The following KCNQ1 variants were observed in gnomAD, a reference collection of about 807,000 sequenced individuals.
KCNQ1 encodes the protein potassium voltage-gated channel subfamily Q member 1.
In KCNQ1, 49 loss-of-function variants were observed where a neutral mutation model predicts 72.4. That is an observed-to-expected ratio of 0.68 (90% CI 0.54 to 0.86). The LOEUF (loss-of-function observed/expected upper bound fraction) is 0.86. KCNQ1 is among the 40% of genes least tolerant of loss of function. KCNQ1 has a pLI of 0.00. For synonymous variants in KCNQ1, 450 were observed against 412.6 expected (o/e 1.09, Z -1.10); for missense variants, 790 against 945.1 (o/e 0.84, Z 2.15).
In KCNQ1 at chr11:2,620,814, A is replaced by G; in HGVS notation, c.1393+31960A>G. ...TAATTTGTATTCCTGCCAACAGTGT[A>G]TAAGCGTTCCCTTTTCTCTGCAGCC... On this transcript the variant is annotated intron_variant, in intron 10 of 15. Coordinates refer to ENST00000155840, the MANE Select transcript of KCNQ1 (RefSeq NM_000218.3). This position sits in a 1 kb window ranked among gnomAD's most constrained non-coding sequence, Gnocchi z 4.5. 1 of 398,644 alleles carries G rather than the reference A, an allele frequency of 2.5e-6. No homozygotes were observed. The highest frequency in any genetic ancestry group is 4.4e-6 in the Non-Finnish European group (1 of 226,080). 24.7% of individuals were successfully genotyped at this position (398,644 alleles called of 1,614,324 possible).
At chr11:2,630,112 T>C in intron 10 of KCNQ1, 1 of 398,358 alleles carries the variant, frequency 2.5e-6, no homozygotes, top group Non-Finnish European at 4.4e-6. Context: ...AATTTGTTCA[T>C]AGTTTTTATC....
chr11:2,701,641 C>G (rs946370683), intron 11 of KCNQ1, among the ~76,000 whole-genome samples: 1 of 152,212 alleles, frequency 6.6e-6, no homozygotes, highest in African/African-American at 2.4e-5. Flanking sequence ...GAAAATGGAG[C>G]TTGGAACTTC....
chr11:2,847,798 T>A lies in KCNQ1; in HGVS notation c.1826T>A (p.Ile609Asn). 3 of 1,571,912 alleles carry A rather than the reference T, an allele frequency of 1.9e-6. No homozygotes were observed. The African/African-American group carries it at 4.0e-5, about 21-fold the overall frequency. ...CAGCTGGACCAGAGGCTGGCACTCA[T>A]CACCGACATGCTTCACCAGCTGCTC... is the stretch of plus-strand genomic sequence containing the variant. ...VTQLDQRLAL[I>N]TDMLHQLLSL... The change falls in exon 16 of 16, where the codon ATC becomes AAC. Residue 609 changes from isoleucine to asparagine, a missense_variant. Physicochemically the swap from Ile to Asn is moderately radical, Grantham distance 149. Coordinates refer to ENST00000155840, the MANE Select transcript of KCNQ1 (RefSeq NM_000218.3).
chr11:2,617,834 T>C lies in KCNQ1; in HGVS notation c.1393+28980T>C, dbSNP rs1235172200. The C allele has an allele frequency of 2.5e-6, 1 of 398,464 alleles. No individual in the cohort carries two copies. Among genetic ancestry groups the C allele is most frequent in the African/African-American group, 2.1e-5 (1 of 48,648 alleles). The allele number at this position is 398,464 out of a possible 1,614,324, so 24.7% of individuals were successfully genotyped here. ...TGTGTTTGCCATTTTTATAACTTCT[T>C]TGCAAAAATGTCTACTCAGTTCCAC... On this transcript the variant is annotated intron_variant, in intron 10 of 15. Coordinates refer to ENST00000155840, the MANE Select transcript of KCNQ1 (RefSeq NM_000218.3). The surrounding 1 kb of genome is among the most constrained non-coding windows in gnomAD (Gnocchi z 4.6).
At chr11:2,667,964 TC>T (rs1356393786) in intron 11 of KCNQ1, 3 of 398,552 alleles carry the variant, frequency 7.5e-6, no homozygotes, top group African/African-American at 6.2e-5. Flanking sequence ...CCAGAAAGCC[TC>T]TCAGGCTCCC....
At chr11:2,705,986 A>G (rs1479558702) in intron 11 of KCNQ1, among the ~76,000 whole-genome samples, 1 of 152,208 alleles carries the variant, frequency 6.6e-6, no homozygotes, top group Non-Finnish European at 1.5e-5. Flanking sequence ...GAGAACCTGA[A>G]GAGAATATTC....
rs1267207266 is a variant in KCNQ1, at chr11:2,711,069, A to G, written c.1514+48988A>G. Among the ~76,000 whole-genome samples, 1 of 152,222 alleles carries G rather than the reference A, an allele frequency of 6.6e-6. No homozygotes were observed. Among genetic ancestry groups the G allele is most frequent in the African/African-American group, 2.4e-5 (1 of 41,454 alleles). On this transcript the variant is annotated intron_variant, in intron 11 of 15. Transcript: ENST00000155840. The surrounding 1 kb of genome is among the most constrained non-coding windows in gnomAD (Gnocchi z 5.4). ...GAATCTGTAGGTCAACTTGGGGAGTATTGCCATCTTAACAATGTGTTAAGT... is the reference window on the plus strand; with the variant it reads ...GAATCTGTAGGTCAACTTGGGGAGTGTTGCCATCTTAACAATGTGTTAAGT...
rs1406144279 is a variant in KCNQ1, at chr11:2,479,691, A to G, written c.386+34207A>G. Among the ~76,000 whole-genome samples, 1 of 152,138 alleles carries G rather than the reference A, an allele frequency of 6.6e-6. No homozygotes were observed. Among genetic ancestry groups the G allele is most frequent in the Non-Finnish European group, 1.5e-5 (1 of 68,020 alleles). ...AAGGTCTCTGACATGCCCTGGAGAC[A>G]TTTTCCCCATTGTCTTAGTGATTAA... On this transcript the variant is annotated intron_variant, in intron 1 of 15. Transcript: ENST00000155840. The surrounding 1 kb of genome is among the most constrained non-coding windows in gnomAD (Gnocchi z 4.6).
intron 11 of KCNQ1, chr11:2,693,115 G>T (rs572486586): frequency 1.3e-5 from 5 of 398,540 alleles, no homozygotes; most frequent in African/African-American, 6.2e-5. Flanking sequence ...TTTGCCCCAA[G>T]ACTACTTTCT....
intron 15 of KCNQ1, among the ~76,000 whole-genome samples, chr11:2,837,497 G>A (rs1356479088): frequency 1.3e-5 from 2 of 152,262 alleles, no homozygotes; most frequent in Non-Finnish European, 2.9e-5. Flanking sequence ...GGTGACCAAG[G>A]CCCAGGGTCT....
rs1589952524 is a variant in KCNQ1, at chr11:2,562,889, A to G, written c.478-7739A>G. 2.0e-5 allele frequency among the ~76,000 whole-genome samples: 3 copies of G among 152,324 alleles called. No individual in the cohort carries two copies. The highest frequency in any genetic ancestry group is 3.9e-4 in the East Asian group (2 of 5,188). On this transcript the variant is annotated intron_variant, in intron 2 of 15. Transcript: ENST00000155840. This position sits in a 1 kb window ranked among gnomAD's most constrained non-coding sequence, Gnocchi z 7.5. ...CCGTCTTTAAAATTAATTTTCCTTTAAAGATACTGTAGAGCAGTAACATCA... is the reference window on the plus strand; with the variant it reads ...CCGTCTTTAAAATTAATTTTCCTTTGAAGATACTGTAGAGCAGTAACATCA...
At chr11:2,696,925 C>G in intron 11 of KCNQ1, 1 of 398,466 alleles carries the variant, frequency 2.5e-6, no homozygotes, top group Non-Finnish European at 4.4e-6. Context: ...ATATCCAAAA[C>G]CTCTCTGAAA....
At position 2,764,661 on chromosome 11, in the gene KCNQ1, T is replaced by G. The variant is rs2133977301; in HGVS notation, c.1515-4183T>G. ...AGAGTTTTCTTTGCCAGAAGATCAT[T>G]AAAATTCCAAATTTAACTTATTTAA... On this transcript the variant is annotated intron_variant, in intron 11 of 15. Coordinates refer to ENST00000155840, the MANE Select transcript of KCNQ1 (RefSeq NM_000218.3). The surrounding 1 kb of genome is among the most constrained non-coding windows in gnomAD (Gnocchi z 4.8). Among the ~76,000 whole-genome samples the G allele has an allele frequency of 6.6e-6, 1 of 152,366 alleles. No individual in the cohort carries two copies. Among genetic ancestry groups the G allele is most frequent in the Non-Finnish European group, 1.5e-5 (1 of 68,034 alleles).
chr11:2,758,531 A>T (rs968983328), intron 11 of KCNQ1, among the ~76,000 whole-genome samples: 1 of 152,212 alleles, frequency 6.6e-6, no homozygotes. Flanking sequence ...ACTACCACAC[A>T]TCCCGGCAAC....
intron 11 of KCNQ1, chr11:2,665,651 C>T (rs1189429940): frequency 7.5e-6 from 3 of 397,946 alleles, no homozygotes; most frequent in East Asian, 3.6e-5. Flanking sequence ...TCAAAGCCCT[C>T]AGTACCAGTT....
At chr11:2,839,136 G>A (rs1848149862) in intron 15 of KCNQ1, among the ~76,000 whole-genome samples, 1 of 152,186 alleles carries the variant, frequency 6.6e-6, no homozygotes, top group Non-Finnish European at 1.5e-5. Flanking sequence ...GCCCTTGGGG[G>A]AGGCTCGAGA....
At position 2,516,773 on chromosome 11, in the gene KCNQ1, C is replaced by T. The variant is rs1028812332; in HGVS notation, c.387-11155C>T. On this transcript the variant is annotated intron_variant, in intron 1 of 15. Transcript: ENST00000155840. The surrounding 1 kb of genome is among the most constrained non-coding windows in gnomAD (Gnocchi z 7.0). Reference sequence around the variant, plus strand: ...GCCACAGAGGCCACCTGCCCCACCACGCCTAGGACATTTCCTCTCTGGCCC... The same window carrying T: ...GCCACAGAGGCCACCTGCCCCACCATGCCTAGGACATTTCCTCTCTGGCCC... 5.3e-5 allele frequency among the ~76,000 whole-genome samples: 8 copies of T among 152,176 alleles called. No homozygotes were observed. The highest frequency in any genetic ancestry group is 1.2e-4 in the African/African-American group (5 of 41,428).
At chr11:2,837,664 G>A (rs1350732226) in intron 15 of KCNQ1, among the ~76,000 whole-genome samples, 1 of 152,214 alleles carries the variant, frequency 6.6e-6, no homozygotes, top group African/African-American at 2.4e-5. Flanking sequence ...CCAGGAGGGG[G>A]AAGGGAGGGG....
Position 2,651,047 on chromosome 11 carries a change from C to A in KCNQ1, c.1394-10914C>A, listed in dbSNP as rs183092035. The A allele has an allele frequency of 7.5e-6, 3 of 398,746 alleles. No individual in the cohort carries two copies. The highest frequency in any genetic ancestry group is 4.1e-5 in the African/African-American group (2 of 48,654). 24.7% of individuals were successfully genotyped at this position (398,746 alleles called of 1,614,324 possible). A position where few individuals can be genotyped will look rare whatever the true frequency, so the allele number is the denominator to read the frequency against. On this transcript the variant is annotated intron_variant, in intron 10 of 15. Transcript: ENST00000155840. The surrounding 1 kb of genome is among the most constrained non-coding windows in gnomAD (Gnocchi z 6.1). ...TCCCTGGTTAAAACCACCACCATTT[C>A]TCTGCCTACATTGTTGTCCATACCT...
Sources: allele counts gnomAD v4.1 joint callset (sites outside exome capture counted in the v4.1 genomes callset), GRCh38; gene constraint gnomAD v4.1.1; non-coding constraint Gnocchi (gnomAD v3.1); transcripts MANE v1.5; gene names NCBI Gene and HGNC (gene_info 2026-07-23, HGNC 2026-07-21).